PAG1: variants seen among roughly 807,000 people sequenced by gnomAD.
PAG1 encodes the protein phosphoprotein membrane anchor with glycosphingolipid microdomains 1, also known as phosphoprotein associated with glycosphingolipid-enriched microdomains 1.
In PAG1, 23 loss-of-function variants were observed where a neutral mutation model predicts 31.7. The observed-to-expected ratio is 0.73, with a 90% CI of 0.52 to 1.03. PAG1 has a LOEUF of 1.03. Ranked by LOEUF, PAG1 falls within the 50% of genes least tolerant of loss-of-function variation. The probability of loss-of-function intolerance (pLI) is 0.00; values close to 1 mark genes in which losing one functional copy is unlikely to be tolerated. For missense variants in PAG1, 473 were observed against 540.7 expected (o/e 0.87, Z 1.24); for synonymous variants, 214 against 210.3 (o/e 1.02, Z -0.15).
intron 3 of PAG1, among the ~76,000 whole-genome samples, chr8:81,006,236 C>G: frequency 6.6e-6 from 1 of 152,214 alleles, no homozygotes; most frequent in East Asian, 1.9e-4. Flanking sequence ...AGCCACCATG[C>G]CTGGCCAAGA....
At chr8:81,005,695 C>T (rs138796878) in intron 3 of PAG1, among the ~76,000 whole-genome samples, 131 of 152,270 alleles carry the variant, frequency 8.6e-4, no homozygotes, top group African/African-American at 3.1e-3. Flanking sequence ...CTATGGAATA[C>T]CCAGCCTCCA....
At chr8:81,049,625 T>C (rs1462894026) in intron 2 of PAG1, among the ~76,000 whole-genome samples, 2 of 152,242 alleles carry the variant, frequency 1.3e-5, no homozygotes, top group African/African-American at 4.8e-5. Flanking sequence ...TGGATGCTAA[T>C]ACTAACAAAC....
At chr8:81,021,002 C>T (rs1808158084) in intron 3 of PAG1, among the ~76,000 whole-genome samples, 1 of 152,246 alleles carries the variant, frequency 6.6e-6, no homozygotes, top group African/African-American at 2.4e-5. Context: ...GCCCACAACA[C>T]CAAATGGCTG....
At position 81,051,946 on chromosome 8, in the gene PAG1, CG is replaced by C. The variant is rs541359161; in HGVS notation, c.-175+18165del. 1.4e-3 allele frequency among the ~76,000 whole-genome samples: 207 copies of C among 151,788 alleles called. 1 individual carries two copies. The highest frequency in any genetic ancestry group is 4.9e-3 in the African/African-American group (201 of 41,398). ...GAGATCGAGACCGTCCTGGCTAACA[CG>C]GTGAAACCCCGTCTCTACTAAAAAT... On this transcript the variant is annotated intron_variant, in intron 2 of 8. Coordinates refer to ENST00000220597, the MANE Select transcript of PAG1 (RefSeq NM_018440.4).
chr8:81,086,212 A>G (rs1586211287), intron 1 of PAG1, among the ~76,000 whole-genome samples: 1 of 150,976 alleles, frequency 6.6e-6, no homozygotes, highest in African/African-American at 2.4e-5. Context: ...CGATCTCCTG[A>G]CCTCGTGATC....
intron 2 of PAG1, among the ~76,000 whole-genome samples, chr8:81,047,845 G>A (rs1171046290): frequency 2.6e-5 from 4 of 152,168 alleles, no homozygotes; most frequent in Non-Finnish European, 2.9e-5. Flanking sequence ...TATAATTGGA[G>A]AGCCCATAGT....
At chr8:80,977,556 C>T (rs1378621939) in intron 8 of PAG1, among the ~76,000 whole-genome samples, 1 of 152,222 alleles carries the variant, frequency 6.6e-6, no homozygotes, top group Non-Finnish European at 1.5e-5. Context: ...ACACATATAT[C>T]TGAAAGGGTA....
intron 2 of PAG1, among the ~76,000 whole-genome samples, chr8:81,067,910 G>A: frequency 6.6e-6 from 1 of 152,148 alleles, no homozygotes; most frequent in East Asian, 1.9e-4. Context: ...CTCCCTGGAC[G>A]GTTGCTGATT....
Position 80,973,031 on chromosome 8 carries a change from T to C in PAG1, c.*3513A>G, listed in dbSNP as rs1371324008. 1 of 151,986 alleles carries C rather than the reference T, an allele frequency of 6.6e-6. No homozygotes were observed. The highest frequency in any genetic ancestry group is 1.5e-5 in the Non-Finnish European group (1 of 67,998). 9.4% of individuals were successfully genotyped at this position (151,986 alleles called of 1,614,324 possible). On this transcript the variant is annotated 3_prime_UTR_variant, in exon 9 of 9. Transcript: ENST00000220597. ...ATCATGAGAAATATATACAGTGATA[T>C]AATGCGGTTAAATTTTAGTTCTCTG...
intron 3 of PAG1, among the ~76,000 whole-genome samples, chr8:81,013,519 C>T (rs1428589832): frequency 6.6e-6 from 1 of 152,190 alleles, no homozygotes; most frequent in Admixed American, 6.5e-5. Context: ...GGTCAAATCC[C>T]AGGTCCTCCC....
At chr8:81,026,110 G>A (rs952087143) in intron 3 of PAG1, among the ~76,000 whole-genome samples, 2 of 152,088 alleles carry the variant, frequency 1.3e-5, no homozygotes, top group Admixed American at 1.3e-4. Flanking sequence ...GTTAATAATA[G>A]TAATAGGGTG....
intron 3 of PAG1, among the ~76,000 whole-genome samples, chr8:80,999,815 G>T (rs986537417): frequency 3.9e-5 from 6 of 152,140 alleles, no homozygotes; most frequent in African/African-American, 1.4e-4. Context: ...GATGGGTAAG[G>T]AATCACTTCT....
intron 8 of PAG1, among the ~76,000 whole-genome samples, chr8:80,978,981 A>C (rs1807241046): frequency 6.6e-6 from 1 of 152,106 alleles, no homozygotes; most frequent in Non-Finnish European, 1.5e-5. Flanking sequence ...TTTCCATAAC[A>C]TTCTGTTAAA....
rs1807098148 is a variant in PAG1 at position 80,972,511 on chromosome 8, G to T, written c.*4033C>A. On this transcript the variant is annotated 3_prime_UTR_variant, in exon 9 of 9. Coordinates refer to ENST00000220597, the MANE Select transcript of PAG1 (RefSeq NM_018440.4). ...AAGGGAATGAAACAGAATGCCACAG[G>T]TGACCGACCTCTGCTCCTGCTACTT... 6.6e-6 allele frequency: 1 copy of T among 152,176 alleles called. No individual in the cohort carries two copies. Among genetic ancestry groups the T allele is most frequent in the Non-Finnish European group, 1.5e-5 (1 of 68,032 alleles). 9.4% of individuals were successfully genotyped at this position (152,176 alleles called of 1,614,324 possible).
At chr8:80,982,348 T>C (rs7014529) in intron 7 of PAG1, among the ~76,000 whole-genome samples, 71,789 of 151,904 alleles carry the variant, frequency 0.47, 20,083 homozygotes, top group African/African-American at 0.78. Context: ...CCGCTGCATT[T>C]GGCAGAGCGG....
At chr8:81,097,217 G>C (rs1418134491) in intron 1 of PAG1, among the ~76,000 whole-genome samples, 1 of 152,158 alleles carries the variant, frequency 6.6e-6, no homozygotes, top group Non-Finnish European at 1.5e-5. Flanking sequence ...TATAGTAAAC[G>C]TGAAACTTCC....
chr8:81,053,689 T>C (rs1808768991), intron 2 of PAG1, among the ~76,000 whole-genome samples: 1 of 152,092 alleles, frequency 6.6e-6, no homozygotes, highest in Non-Finnish European at 1.5e-5. Context: ...GGGCATATGG[T>C]GGTGTCATTA....
chr8:81,041,498 A>G (rs1808554486), intron 2 of PAG1, among the ~76,000 whole-genome samples: 1 of 152,192 alleles, frequency 6.6e-6, no homozygotes. Flanking sequence ...CTCTCCATTT[A>G]TCTTCAGTTC....
At chr8:81,048,286 G>GA (rs1296972303) in intron 2 of PAG1, among the ~76,000 whole-genome samples, 1 of 151,904 alleles carries the variant, frequency 6.6e-6, no homozygotes, top group East Asian at 1.9e-4. Flanking sequence ...TATATTGGGG[G>GA]AGAATGCTTT....
Sources: allele counts gnomAD v4.1 joint callset (sites outside exome capture counted in the v4.1 genomes callset), GRCh38; gene constraint gnomAD v4.1.1; transcripts MANE v1.5; gene names NCBI Gene and HGNC (gene_info 2026-07-23, HGNC 2026-07-21).